ADCY10: variants seen among roughly 807,000 people sequenced by gnomAD.
ADCY10 encodes the protein adenylate cyclase type 10.
A neutral mutation model predicts 183.3 loss-of-function variants in ADCY10; 156 were observed. The ratio of observed to expected loss-of-function variants is 0.85; its 90% CI spans 0.75 to 0.97. The LOEUF is 0.97. Among genes scored for constraint, ADCY10 ranks in the 50% least tolerant of loss-of-function variants. The pLI, the probability that ADCY10 is intolerant of heterozygous loss-of-function variation, is 0.00. For synonymous variants in ADCY10, 645 were observed against 670.0 expected, an observed-to-expected ratio of 0.96 and a Z score of 0.58; for missense variants, 1,745 against 1,934.3, an observed-to-expected ratio of 0.90 and a Z score of 1.84.
chr1:167,859,694 C>T, intron 16 of ADCY10, 113 bp downstream of exon 16: 1 of 826,786 alleles, frequency 1.2e-6, no homozygotes, highest in South Asian at 1.3e-5. Context: ...ACAAAGCCTT[C>T]ACATCCTTCA....
Position 167,878,594 on chromosome 1 carries a change from A to T in ADCY10, c.1258T>A (p.Tyr420Asn), listed in dbSNP as rs759317428. Residue 420 changes from tyrosine (Y) to asparagine (N), a missense_variant, in exon 12 of 33, where the codon TAC becomes AAC. By Grantham distance (143) the Tyr-to-Asn change is moderately radical. Coordinates refer to ENST00000367851, the MANE Select transcript of ADCY10 (RefSeq NM_018417.6). ...TCGCAGGTCACAATTCCTGGGTAGT[A>T]CATCATCATCCTGGCAGCTAAGTTG... is the stretch of plus-strand genomic sequence containing the variant. ...KVNLAARMMMYYPGIVTCDSV... is the reference protein window; with the variant it reads ...KVNLAARMMMNYPGIVTCDSV... 2.8e-5 allele frequency: 45 copies of T among 1,614,080 alleles called. No individual in the cohort carries two copies. Among genetic ancestry groups the T allele is most frequent in the Non-Finnish European group, 3.6e-5 (43 of 1,180,042 alleles).
At chr1:167,875,081 G>A (rs576583506) in intron 13 of ADCY10, 50 bp downstream of exon 13, 3 of 1,425,656 alleles carry the variant, frequency 2.1e-6, no homozygotes, top group South Asian at 1.1e-5. Flanking sequence ...TTTTCTGCAT[G>A]TTTTGTTTTA....
chr1:167,905,258 C>T (rs1669734773), intron 1 of ADCY10, 60 bp from the exon 2 acceptor site: 1 of 1,253,496 alleles, frequency 8.0e-7, no homozygotes, highest in Admixed American at 1.7e-5. Flanking sequence ...TTTCCTATTG[C>T]TCTTTCTCCA....
intron 17 of ADCY10, 29 bp downstream of exon 17, chr1:167,856,136 A>G (rs777765630): frequency 1.2e-6 from 2 of 1,613,268 alleles, no homozygotes; most frequent in South Asian, 1.1e-5. Context: ...GCAGATGTCG[A>G]GAGTTCAGAA....
At chr1:167,898,314 A>C (rs1205421702) in intron 6 of ADCY10, among the ~76,000 whole-genome samples, 1 of 152,104 alleles carries the variant, frequency 6.6e-6, no homozygotes, top group African/African-American at 2.4e-5. Context: ...GAATGATTGA[A>C]GAGAGGCTGG....
At chr1:167,875,248 G>C (rs1667369930) in intron 12 of ADCY10, 62 bp from the exon 13 acceptor site, 1 of 1,522,688 alleles carries the variant, frequency 6.6e-7, no homozygotes, top group Non-Finnish European at 9.1e-7. Context: ...GAGAGCAAGA[G>C]TGATTAGTTC....
At chr1:167,881,550 C>G (rs1667869906) in intron 9 of ADCY10, among the ~76,000 whole-genome samples, 1 of 152,200 alleles carries the variant, frequency 6.6e-6, no homozygotes, top group Non-Finnish European at 1.5e-5. Context: ...GAGCTTTTGC[C>G]TGCAAATTTA....
chr1:167,873,447 C>G (rs1230730260), intron 13 of ADCY10, among the ~76,000 whole-genome samples: 1 of 152,172 alleles, frequency 6.6e-6, no homozygotes, highest in Non-Finnish European at 1.5e-5. Context: ...AGAGCCTCCT[C>G]TTAATTGCCT....
chr1:167,866,366 A>G (rs900757711), intron 14 of ADCY10, among the ~76,000 whole-genome samples: 1 of 152,184 alleles, frequency 6.6e-6, no homozygotes, highest in Non-Finnish European at 1.5e-5. Context: ...TAGCTACAAA[A>G]TTTAAGTCAA....
At chr1:167,853,368 T>G (rs1665640272) in intron 18 of ADCY10, among the ~76,000 whole-genome samples, 1 of 151,952 alleles carries the variant, frequency 6.6e-6, no homozygotes, top group Non-Finnish European at 1.5e-5. Context: ...ACATTGAAGG[T>G]GGAAAGAAGT....
rs1669468044 is a variant in ADCY10, at chr1:167,902,044, A to T, written c.264T>A (p.Ile88=). The T allele has an allele frequency of 6.2e-7, 1 of 1,612,022 alleles. No homozygotes were observed. Among genetic ancestry groups the T allele is most frequent in the Non-Finnish European group, 8.5e-7 (1 of 1,179,892 alleles). ...HISAIVEKVL[I]FGGDILKFAG... ...CAAATTTCAGGATGTCTCCTCCAAA[A>T]ATCAACACTTCTGAGAAAAAAAAAA... The change falls in exon 4 of 33, where the codon ATT becomes ATA. Residue 88 remains isoleucine, a synonymous_variant. Coordinates refer to ENST00000367851, the MANE Select transcript of ADCY10 (RefSeq NM_018417.6).
intron 26 of ADCY10, among the ~76,000 whole-genome samples, chr1:167,825,247 A>T (rs1315738160): frequency 6.6e-6 from 1 of 152,034 alleles, no homozygotes; most frequent in Non-Finnish European, 1.5e-5. Context: ...CACCTCTGTG[A>T]TGTTTGTTAT....
At chr1:167,828,033 T>G (rs1482523258) in intron 26 of ADCY10, among the ~76,000 whole-genome samples, 2 of 152,142 alleles carry the variant, frequency 1.3e-5, no homozygotes, top group Non-Finnish European at 2.9e-5. Flanking sequence ...GCATTATTTG[T>G]GACAGGAAAA....
At chr1:167,840,650 C>T (rs1383394163) in intron 21 of ADCY10, among the ~76,000 whole-genome samples, 1 of 151,948 alleles carries the variant, frequency 6.6e-6, no homozygotes, top group Non-Finnish European at 1.5e-5. Context: ...GCAACCGTGC[C>T]CAACCAGAAT....
intron 21 of ADCY10, among the ~76,000 whole-genome samples, chr1:167,844,168 A>T (rs2101958953): frequency 6.6e-6 from 1 of 152,318 alleles, no homozygotes; most frequent in Middle Eastern, 3.4e-3. Flanking sequence ...AATGCTAGTA[A>T]TAGAACTAGA....
At chr1:167,858,923 T>C (rs1666097305) in intron 16 of ADCY10, among the ~76,000 whole-genome samples, 2 of 152,108 alleles carry the variant, frequency 1.3e-5, no homozygotes, top group South Asian at 2.1e-4. Context: ...GCCTGAACTA[T>C]GGCAATAGGA....
chr1:167,843,799 T>C (rs1664821002), intron 21 of ADCY10, among the ~76,000 whole-genome samples: 1 of 152,140 alleles, frequency 6.6e-6, no homozygotes, highest in African/African-American at 2.4e-5. Context: ...TGTCCTCTGA[T>C]TCTAAGGAAG....
chr1:167,831,916 G>C (rs976142250), intron 25 of ADCY10, among the ~76,000 whole-genome samples: 1 of 152,138 alleles, frequency 6.6e-6, no homozygotes, highest in African/African-American at 2.4e-5. Flanking sequence ...AGAGATCTCT[G>C]CTGAACATCT....
intron 14 of ADCY10, among the ~76,000 whole-genome samples, chr1:167,866,582 A>T (rs1666712242): frequency 6.6e-6 from 1 of 151,214 alleles, no homozygotes; most frequent in South Asian, 2.1e-4. Flanking sequence ...AAGTTAATTT[A>T]GACTAAACAA....
Sources: allele counts gnomAD v4.1 joint callset (sites outside exome capture counted in the v4.1 genomes callset), GRCh38; gene constraint gnomAD v4.1.1; transcripts MANE v1.5; gene names NCBI Gene and HGNC (gene_info 2026-07-23, HGNC 2026-07-21).